Variants in OTUD7A observed in about 807,000 individuals in gnomAD.
The protein encoded by OTUD7A is OTU deubiquitinase 7A.
In OTUD7A, 12 loss-of-function variants were observed where a neutral mutation model predicts 65.7. The observed-to-expected ratio is 0.18, with a 90% CI of 0.12 to 0.30. The LOEUF is 0.30. Ranked by LOEUF, OTUD7A falls within the 10% of genes least tolerant of loss-of-function variation. The pLI, the probability that OTUD7A is intolerant of heterozygous loss-of-function variation, is 1.00. For synonymous variants in OTUD7A, 641 were observed against 586.3 expected, an observed-to-expected ratio of 1.09 and a Z score of -1.35; for missense variants, 1,148 against 1,304.8, an observed-to-expected ratio of 0.88 and a Z score of 1.85.
chr15:31,647,602 C>T (rs1295489495), intron 3 of OTUD7A, among the ~76,000 whole-genome samples: 1 of 152,086 alleles, frequency 6.6e-6, no homozygotes, highest in Non-Finnish European at 1.5e-5. Flanking sequence ...TAAAACTGTA[C>T]ACACTCATAC....
Position 31,734,161 on chromosome 15 carries a change from C to T in OTUD7A, c.-99-77084G>A, listed in dbSNP as rs117646364. Among the ~76,000 whole-genome samples, 678 of 152,156 alleles carry T rather than the reference C, an allele frequency of 4.5e-3. 2 individuals carry two copies. Among genetic ancestry groups the T allele is most frequent in the East Asian group, 0.042 (215 of 5,168 alleles). On this transcript the variant is annotated intron_variant, in intron 1 of 12. Coordinates refer to ENST00000307050, the MANE Select transcript of OTUD7A (RefSeq NM_001382637.1). ...AATGTACTCCCATTCACAACTGTCACAAAAAGAATAAAATACCAAGGAATA... is the reference window on the plus strand; with the variant it reads ...AATGTACTCCCATTCACAACTGTCATAAAAAGAATAAAATACCAAGGAATA...
At chr15:31,607,223 A>G (rs1275951516) in intron 3 of OTUD7A, among the ~76,000 whole-genome samples, 1 of 152,218 alleles carries the variant, frequency 6.6e-6, no homozygotes, top group African/African-American at 2.4e-5. Flanking sequence ...GGAGCTGAAG[A>G]GAGCTTTTAA....
chr15:31,860,305 T>G (rs1033599371), intron 1 of OTUD7A, among the ~76,000 whole-genome samples: 3 of 152,180 alleles, frequency 2.0e-5, no homozygotes, highest in African/African-American at 7.2e-5. Context: ...AACTGCAAGC[T>G]TAAGTATGAA....
intron 1 of OTUD7A, among the ~76,000 whole-genome samples, chr15:31,834,497 T>C (rs1368764475): frequency 6.6e-6 from 1 of 152,256 alleles, no homozygotes; most frequent in African/African-American, 2.4e-5. Flanking sequence ...GTGAACATTT[T>C]ATTTCTTCTC....
chr15:31,765,832 T>A, intron 1 of OTUD7A: 1 of 1,327,172 alleles, frequency 7.5e-7, no homozygotes, highest in East Asian at 2.3e-5. Flanking sequence ...GCTGCTTCAC[T>A]CTCCATGGTT....
chr15:31,835,997 CA>C (rs1897046772), intron 1 of OTUD7A, among the ~76,000 whole-genome samples: 1 of 151,932 alleles, frequency 6.6e-6, no homozygotes, highest in Non-Finnish European at 1.5e-5. Flanking sequence ...ATCATGTCAG[CA>C]TTCAAAAAGT....
intron 1 of OTUD7A, chr15:31,768,174 G>A: frequency 7.0e-7 from 1 of 1,425,602 alleles, no homozygotes; most frequent in South Asian, 1.1e-5. Flanking sequence ...GCCCGATAAG[G>A]CCCGGGAGGC....
Position 31,588,957 on chromosome 15 carries a change from A to G in OTUD7A, c.152-18760T>C, listed in dbSNP as rs535560267. ...CAGGCAGCCTATGATGGGCCAGCCTAGAAGGGCACATGGCACACTTTCTGT... is the reference window on the plus strand; with the variant it reads ...CAGGCAGCCTATGATGGGCCAGCCTGGAAGGGCACATGGCACACTTTCTGT... On this transcript the variant is annotated intron_variant, in intron 3 of 12. Coordinates refer to ENST00000307050, the MANE Select transcript of OTUD7A (RefSeq NM_001382637.1). Among the ~76,000 whole-genome samples, 4 of 152,300 alleles carry G rather than the reference A, an allele frequency of 2.6e-5. No individual in the cohort carries two copies. The South Asian group carries it at 8.3e-4, about 32-fold the overall frequency.
chr15:31,855,742 C>A (rs967441600), intron 1 of OTUD7A, among the ~76,000 whole-genome samples: 7 of 152,200 alleles, frequency 4.6e-5, no homozygotes, highest in African/African-American at 1.7e-4. Flanking sequence ...AATTTAGTAA[C>A]CTTTCAACCC....
chr15:31,550,103 GAA>G (rs11413883), intron 5 of OTUD7A, among the ~76,000 whole-genome samples: 6 of 127,194 alleles, frequency 4.7e-5, no homozygotes, highest in Non-Finnish European at 4.9e-5. Flanking sequence ...CTGTCTCCAG[GAA>G]AAAAAAAAAA....
rs1399113395 is a variant in OTUD7A, at chr15:31,477,124, A to T, written c.*6170T>A. 6.6e-6 allele frequency: 1 copy of T among 152,308 alleles called. No individual in the cohort carries two copies. The highest frequency in any genetic ancestry group is 1.5e-5 in the Non-Finnish European group (1 of 68,112). The allele number at this position is 152,308 out of a possible 1,614,324, so 9.4% of individuals were successfully genotyped here. A position where few individuals can be genotyped will look rare whatever the true frequency, so the allele number is the denominator to read the frequency against. On this transcript the variant is annotated 3_prime_UTR_variant, in exon 13 of 13. Transcript: ENST00000307050. ...GGCCCTGCTGCTTCCAAATTTGTCA[A>T]TGCAGTTACCCAGCCCTGAGCCGGT...
chr15:31,745,998 C>A (rs190529355), intron 1 of OTUD7A, among the ~76,000 whole-genome samples: 25 of 152,182 alleles, frequency 1.6e-4, no homozygotes, highest in African/African-American at 5.5e-4. Flanking sequence ...CCACTTGATA[C>A]CCACTAGAAT....
At chr15:31,695,900 C>A (rs913494743) in intron 1 of OTUD7A, among the ~76,000 whole-genome samples, 2 of 151,154 alleles carry the variant, frequency 1.3e-5, no homozygotes, top group African/African-American at 4.8e-5. Context: ...CTGTGCCAGG[C>A]CTTCACTAGG....
At chr15:31,845,244 T>C (rs1004102037) in intron 1 of OTUD7A, among the ~76,000 whole-genome samples, 1 of 152,084 alleles carries the variant, frequency 6.6e-6, no homozygotes, top group Admixed American at 6.5e-5. Flanking sequence ...CATAAACCTG[T>C]TTCCCTCATG....
At chr15:31,767,208 T>C in intron 1 of OTUD7A, 1 of 1,037,462 alleles carries the variant, frequency 9.6e-7, no homozygotes, top group Non-Finnish European at 1.5e-6. Flanking sequence ...TTTTGAAGAC[T>C]GGGGATCATC....
intron 1 of OTUD7A, among the ~76,000 whole-genome samples, chr15:31,844,279 G>C (rs886415586): frequency 6.6e-6 from 1 of 152,218 alleles, no homozygotes; most frequent in East Asian, 1.9e-4. Context: ...GGCTGAGGCA[G>C]GTGGATCATG....
At chr15:31,837,372 CAAAAAA>C (rs57479397) in intron 1 of OTUD7A, among the ~76,000 whole-genome samples, 2 of 120,322 alleles carry the variant, frequency 1.7e-5, no homozygotes, top group African/African-American at 6.5e-5. Flanking sequence ...ACTAAAAATA[CAAAAAA>C]AAAAAAAAAA....
intron 3 of OTUD7A, among the ~76,000 whole-genome samples, chr15:31,654,027 A>G (rs934307990): frequency 3.0e-5 from 3 of 98,422 alleles, no homozygotes; most frequent in Admixed American, 1.2e-4. Context: ...AATTTGTCCT[A>G]TATCTCATAG....
At chr15:31,649,107 AG>A (rs1195795326) in intron 3 of OTUD7A, among the ~76,000 whole-genome samples, 1 of 152,214 alleles carries the variant, frequency 6.6e-6, no homozygotes, top group Non-Finnish European at 1.5e-5. Context: ...TGGGGGATTC[AG>A]GGCTTAAACA....
Sources: allele counts gnomAD v4.1 joint callset (sites outside exome capture counted in the v4.1 genomes callset), GRCh38; gene constraint gnomAD v4.1.1; transcripts MANE v1.5; gene names NCBI Gene and HGNC (gene_info 2026-07-23, HGNC 2026-07-21).